The following PCDHGA2 variants were observed in gnomAD, a reference collection of about 807,000 sequenced individuals.
PCDHGA2 encodes the protein protocadherin gamma subfamily A, 2.
Under a neutral mutation model 59.2 loss-of-function variants are expected in PCDHGA2, and 40 were observed. That is an observed-to-expected ratio of 0.68 (90% CI 0.52 to 0.88). The LOEUF is 0.88. Ranked by LOEUF, PCDHGA2 falls within the 40% of genes least tolerant of loss-of-function variation. The pLI, the probability that PCDHGA2 is intolerant of heterozygous loss-of-function variation, is 0.00. For missense variants in PCDHGA2, 1,226 were observed against 1,204.0 expected (o/e 1.02, Z -0.27); for synonymous variants, 560 against 526.0 (o/e 1.06, Z -0.89).
At chr5:141,365,006 A>G in intron 1 of PCDHGA2, 1 of 1,613,882 alleles carries the variant, frequency 6.2e-7, no homozygotes, top group Non-Finnish European at 8.5e-7. Flanking sequence ...CTCCGGCACC[A>G]CGCACATCCG....
rs758782567 is a variant in PCDHGA2, at chr5:141,486,792, G to A, written c.2425-8015G>A. ...CAGTTTGAGGTGCAGGCCCGGGATCGGGGCAACCCACCCCTTAGCAGCACT... is the reference window on the plus strand; with the variant it reads ...CAGTTTGAGGTGCAGGCCCGGGATCAGGGCAACCCACCCCTTAGCAGCACT... On this transcript the variant is annotated intron_variant, in intron 1 of 3. Coordinates refer to ENST00000394576, the MANE Select transcript of PCDHGA2 (RefSeq NM_018915.4). This position sits in a 1 kb window ranked among gnomAD's most constrained non-coding sequence, Gnocchi z 5.0. The A allele has an allele frequency of 3.7e-5, 59 of 1,614,094 alleles. No homozygotes were observed. The Middle Eastern group carries it at 4.9e-4, about 13-fold the overall frequency.
intron 1 of PCDHGA2, chr5:141,408,518 T>G: frequency 6.2e-7 from 1 of 1,614,012 alleles, no homozygotes; most frequent in Non-Finnish European, 8.5e-7. Flanking sequence ...TGAGTTGCAA[T>G]TGGAAGCTGT....
At chr5:141,390,237 G>A (rs748278212) in intron 1 of PCDHGA2, 2 of 1,614,004 alleles carry the variant, frequency 1.2e-6, no homozygotes, top group Non-Finnish European at 1.7e-6. Flanking sequence ...TTCATCTGGG[G>A]CCTTATTTCC....
At chr5:141,408,478 T>C (rs1433834175) in intron 1 of PCDHGA2, 1 of 1,614,056 alleles carries the variant, frequency 6.2e-7, no homozygotes, top group Non-Finnish European at 8.5e-7. Context: ...GAATAGACCG[T>C]GAGCAAATAT....
chr5:141,350,824 T>C, intron 1 of PCDHGA2: 1 of 1,614,004 alleles, frequency 6.2e-7, no homozygotes, highest in South Asian at 1.1e-5. Context: ...GAAGTAAATA[T>C]CCGGTATTAC....
intron 1 of PCDHGA2, chr5:141,344,319 T>G (rs1355336441): frequency 5.0e-6 from 8 of 1,614,066 alleles, no homozygotes; most frequent in Non-Finnish European, 6.8e-6. Flanking sequence ...GGAGGAGCTC[T>G]GCGCTCAGAT....
At position 141,372,146 on chromosome 5, in the gene PCDHGA2, T is replaced by C. The variant is rs371379465; in HGVS notation, c.2424+30751T>C. The C allele has an allele frequency of 1.2e-4, 200 of 1,613,738 alleles. 1 individual carries two copies. In the South Asian group the frequency reaches 2.0e-3, roughly 16 times the overall value. ...ATATGGTGCCGCGCTCTGCAGAGCC[T>C]GGCTACCTGGTGACCAAGGTGGTGG... On this transcript the variant is annotated intron_variant, in intron 1 of 3. Coordinates refer to ENST00000394576, the MANE Select transcript of PCDHGA2 (RefSeq NM_018915.4).
At chr5:141,470,038 A>C (rs1256439782) in intron 1 of PCDHGA2, among the ~76,000 whole-genome samples, 1 of 152,204 alleles carries the variant, frequency 6.6e-6, no homozygotes, top group Non-Finnish European at 1.5e-5. Flanking sequence ...CTGAGGCGCG[A>C]GAACTGTTTG....
At chr5:141,505,579 G>A (rs1047837546) in intron 3 of PCDHGA2, 98 bp downstream of exon 3, 6 of 1,588,858 alleles carry the variant, frequency 3.8e-6, no homozygotes, top group Non-Finnish European at 4.3e-6. Flanking sequence ...TCAAACCTGT[G>A]TAGTTTCTCC....
intron 1 of PCDHGA2, chr5:141,405,449 T>A: frequency 6.2e-6 from 8 of 1,283,878 alleles, no homozygotes; most frequent in South Asian, 1.4e-5. Context: ...AGACAGAGTC[T>A]TACTCTGTTA....
intron 1 of PCDHGA2, chr5:141,410,606 G>C: frequency 1.2e-6 from 2 of 1,607,214 alleles, no homozygotes; most frequent in Non-Finnish European, 1.7e-6. Flanking sequence ...TTCACATCCT[G>C]AGACTCTGAC....
intron 1 of PCDHGA2, among the ~76,000 whole-genome samples, chr5:141,456,124 C>G (rs2098844023): frequency 6.6e-6 from 1 of 152,072 alleles, no homozygotes. Context: ...GTCTCCATCT[C>G]CTGACCTCCT....
intron 1 of PCDHGA2, chr5:141,418,168 G>T (rs2096233804): frequency 6.2e-7 from 1 of 1,613,946 alleles, no homozygotes. Context: ...GAAGATGTGA[G>T]TTGCAATTGG....
chr5:141,471,635 A>G (rs1477641248), intron 1 of PCDHGA2: 1 of 152,224 alleles, frequency 6.6e-6, no homozygotes, highest in Non-Finnish European at 1.5e-5. Context: ...GGTATGGATT[A>G]GTAATATACT....
chr5:141,412,930 C>A, intron 1 of PCDHGA2: 1 of 451,594 alleles, frequency 2.2e-6, no homozygotes, highest in Non-Finnish European at 3.9e-6. Context: ...GCAGTAACTT[C>A]TTAGGACTCT....
intron 1 of PCDHGA2, among the ~76,000 whole-genome samples, chr5:141,444,466 C>A (rs539222916): frequency 1.3e-5 from 2 of 151,982 alleles, no homozygotes; most frequent in African/African-American, 4.8e-5. Flanking sequence ...TCACTGCGCC[C>A]GGTCGCGTAC....
At chr5:141,404,252 A>G (rs2094504105) in intron 1 of PCDHGA2, 8 of 1,613,986 alleles carry the variant, frequency 5.0e-6, no homozygotes, top group South Asian at 1.1e-5. Context: ...GCCCCTGTCC[A>G]CAGAAATTCA....
chr5:141,371,126 G>A (rs771503088), intron 1 of PCDHGA2: 2 of 1,613,996 alleles, frequency 1.2e-6, no homozygotes, highest in South Asian at 2.2e-5. Context: ...TATTTACTCA[G>A]GACATGTACA....
Position 141,364,575 on chromosome 5 carries a change from G to A in PCDHGA2, c.2424+23180G>A, listed in dbSNP as rs372313739. On this transcript the variant is annotated intron_variant, in intron 1 of 3. Coordinates refer to ENST00000394576, the MANE Select transcript of PCDHGA2 (RefSeq NM_018915.4). ...CTTTTTGCCCTGAACCCGCGAAGCG[G>A]CAGCTTGGTCACCGCGGGCAGGATA... is the stretch of plus-strand genomic sequence containing the variant. 1.7e-5 allele frequency: 27 copies of A among 1,614,070 alleles called. No individual in the cohort carries two copies. The Middle Eastern group carries it at 4.9e-4, about 29-fold the overall frequency.
Sources: allele counts gnomAD v4.1 joint callset (sites outside exome capture counted in the v4.1 genomes callset), GRCh38; gene constraint gnomAD v4.1.1; non-coding constraint Gnocchi (gnomAD v3.1); transcripts MANE v1.5; gene names NCBI Gene and HGNC (gene_info 2026-07-23, HGNC 2026-07-21).